Variants in MFGE8 observed in about 807,000 individuals in gnomAD.
MFGE8 encodes the protein lactadherin.
MFGE8 carries 34 observed loss-of-function variants against 42.6 expected under a neutral mutation model. The observed-to-expected ratio is 0.80, with a 90% CI of 0.61 to 1.06. The LOEUF is 1.06. Among genes scored for constraint, MFGE8 ranks in the 50% least tolerant of loss-of-function variants. The pLI, the probability that MFGE8 is intolerant of heterozygous loss-of-function variation, is 0.00. For missense variants in MFGE8, 510 were observed against 516.9 expected (o/e 0.99, Z 0.13); for synonymous variants, 230 against 214.8 (o/e 1.07, Z -0.62).
chr15:88,913,096 C>T, intron 1 of MFGE8, 151 bp downstream of exon 1: 1 of 1,316,948 alleles, frequency 7.6e-7, no homozygotes, highest in Non-Finnish European at 9.6e-7. Context: ...CCCGCCAGGG[C>T]GCAGCGGAAG....
In MFGE8 at chr15:88,912,752, T is replaced by C. The variant is rs970904090; in HGVS notation, c.73+495A>G. ...GTCCATTGCACCGACTCCCCGGCCCTTCCCTTATGTGACCAGGCACGGACA... is the reference window on the plus strand; with the variant it reads ...GTCCATTGCACCGACTCCCCGGCCCCTCCCTTATGTGACCAGGCACGGACA... On this transcript the variant is annotated intron_variant, in intron 1 of 7. Coordinates refer to ENST00000268150, the MANE Select transcript of MFGE8 (RefSeq NM_005928.4). The C allele has an allele frequency of 1.2e-5, 12 of 985,266 alleles. No homozygotes were observed. The African/African-American group carries it at 1.4e-4, about 11-fold the overall frequency. 61.0% of individuals were successfully genotyped at this position (985,266 alleles called of 1,614,324 possible).
In MFGE8 at chr15:88,901,185, A is replaced by ACACACACATT. The variant is rs1567214670; in HGVS notation, c.870+356_870+365dup. ...CATTCACACACATTCTCACACATTC[A>ACACACACATT]CACACACATTCACACATTCACACAC... is the stretch of plus-strand genomic sequence containing the variant. On this transcript the variant is annotated intron_variant, in intron 6 of 7. Transcript: ENST00000268150. 3.0e-4 allele frequency among the ~76,000 whole-genome samples: 17 copies of ACACACACATT among 56,964 alleles called. 1 individual carries two copies. The South Asian group carries it at 3.5e-3, about 12-fold the overall frequency. The allele number at this position is 56,964 out of a possible 152,430, so 37.4% of individuals were successfully genotyped here.
chr15:88,912,646 G>A (rs1899020553), intron 1 of MFGE8: 1 of 985,278 alleles, frequency 1.0e-6, no homozygotes, highest in Non-Finnish European at 1.2e-6. Flanking sequence ...GAGGGAGTCA[G>A]GAGACTCCCA....
Position 88,906,626 on chromosome 15 carries a change from C to T in MFGE8, c.540G>A (p.Lys180=), listed in dbSNP as rs1172390279. 1 of 1,613,846 alleles carries T rather than the reference C, an allele frequency of 6.2e-7. No individual in the cohort carries two copies. Among genetic ancestry groups the T allele is most frequent in the Admixed American group, 1.7e-5 (1 of 59,990 alleles). The change falls in exon 4 of 8, where the codon AAG becomes AAA. Residue 180 remains lysine (K), a splice_region_variant and synonymous_variant. Coordinates refer to ENST00000268150, the MANE Select transcript of MFGE8 (RefSeq NM_005928.4). This position sits in a 1 kb window ranked among gnomAD's most constrained non-coding sequence, Gnocchi z 4.2. ...TCTTTCGGGCCCCAACAAGACCTAC[C>T]TTGTGTTTTTTATTAACATCATGGA... ...DFIHDVNKKH[K]EFVGNWNKNA...
chr15:88,909,816 A>T lies in MFGE8; in HGVS notation c.181T>A (p.Tyr61Asn), dbSNP rs35921618. ...PSYTCTCLKG[Y>N]AGNHCETKCV... is the part of the protein sequence containing the mutation. The stretch of plus-strand genomic sequence containing the variant: ...CTCGTCTCACAGTGGTTGCCCGCGT[A>T]GCCCTTAAGGCACGTGCAGGTGTAC... Residue 61 changes from tyrosine to asparagine, a missense_variant, in exon 2 of 8, where the codon TAC (tyrosine) becomes AAC (asparagine). Tyr to Asn is a moderately radical substitution (Grantham distance 143). Transcript: ENST00000268150. 1.5e-4 allele frequency: 245 copies of T among 1,614,230 alleles called. No homozygotes were observed. Among genetic ancestry groups the T allele is most frequent in the Non-Finnish European group, 2.0e-4 (231 of 1,180,032 alleles).
intron 6 of MFGE8, among the ~76,000 whole-genome samples, chr15:88,901,007 A>ATT (rs1898340475): frequency 1.4e-5 from 2 of 145,756 alleles, no homozygotes; most frequent in Admixed American, 6.9e-5. Context: ...ACACATTCAC[A>ATT]CACACACACA....
chr15:88,904,937 T>A (rs1286651405), intron 5 of MFGE8: 1 of 154,056 alleles, frequency 6.5e-6, no homozygotes, highest in African/African-American at 2.4e-5. Flanking sequence ...GCAGGTGGCA[T>A]TGTGGCTGCA....
intron 1 of MFGE8, 191 bp from the exon 2 acceptor site, chr15:88,910,114 C>G: frequency 1.5e-6 from 1 of 658,342 alleles, no homozygotes; most frequent in Non-Finnish European, 2.6e-6. Context: ...CATGTGTAGG[C>G]GAATCGGCCC....
intron 5 of MFGE8, 83 bp from the exon 6 acceptor site, chr15:88,901,818 C>T: frequency 7.3e-7 from 1 of 1,362,452 alleles, no homozygotes; most frequent in South Asian, 1.2e-5. Context: ...GCAGAAAGAA[C>T]TCTGTGGATC....
rs1280073994 is a variant in MFGE8 at position 88,901,071 on chromosome 15, ATT to A, written c.870+478_870+479del. On this transcript the variant is annotated intron_variant, in intron 6 of 7. Transcript: ENST00000268150. ...TTCACACATACACATTCACATACAC[ATT>A]CACATACACATTCACACACATTCAC... Among the ~76,000 whole-genome samples, 2 of 124,396 alleles carry A rather than the reference ATT, an allele frequency of 1.6e-5. 1 individual carries two copies. The highest frequency in any genetic ancestry group is 3.8e-5 in the Non-Finnish European group (2 of 52,582). 81.6% of individuals were successfully genotyped at this position (124,396 alleles called of 152,430 possible). A position where few individuals can be genotyped will look rare whatever the true frequency, so the allele number is the denominator to read the frequency against.
intron 1 of MFGE8, chr15:88,910,469 CA>C (rs1253078346): frequency 4.9e-6 from 1 of 204,340 alleles, no homozygotes; most frequent in Non-Finnish European, 1.0e-5. Context: ...CTGGGAGGGC[CA>C]ATGACCATGC....
chr15:88,908,488 AC>A (rs1898804524), intron 2 of MFGE8, among the ~76,000 whole-genome samples: 1 of 152,156 alleles, frequency 6.6e-6, no homozygotes, highest in Non-Finnish European at 1.5e-5. Flanking sequence ...AAGGAAACAT[AC>A]CACGTAAAAG....
chr15:88,910,268 C>A, intron 1 of MFGE8: 1 of 356,684 alleles, frequency 2.8e-6, no homozygotes, highest in Non-Finnish European at 5.4e-6. Flanking sequence ...AGGTCCAGGG[C>A]AGGTCTCTTG....
chr15:88,906,222 T>G lies in MFGE8; in HGVS notation c.541-321A>C, dbSNP rs1303115400. The G allele has an allele frequency of 2.1e-6, 1 of 473,384 alleles. No individual in the cohort carries two copies. Among genetic ancestry groups the G allele is most frequent in the South Asian group, 2.1e-5 (1 of 47,586 alleles). The allele number at this position is 473,384 out of a possible 1,614,324, so 29.3% of individuals were successfully genotyped here. Reference sequence around the variant, plus strand: ...GGCACTCCTTTCTCAAATAGTTTATTATGACAATTTTCTGACAGAGTTCCA... The same window carrying G: ...GGCACTCCTTTCTCAAATAGTTTATGATGACAATTTTCTGACAGAGTTCCA... On this transcript the variant is annotated intron_variant, in intron 4 of 7. Coordinates refer to ENST00000268150, the MANE Select transcript of MFGE8 (RefSeq NM_005928.4). This position sits in a 1 kb window ranked among gnomAD's most constrained non-coding sequence, Gnocchi z 4.2.
At chr15:88,913,158 A>G (rs1899047883) in intron 1 of MFGE8, 89 bp downstream of exon 1, 1 of 1,452,096 alleles carries the variant, frequency 6.9e-7, no homozygotes, top group Non-Finnish European at 9.0e-7. Flanking sequence ...AAGTTTGTCA[A>G]CAGTGGAGGT....
chr15:88,909,687 G>A, intron 2 of MFGE8, 105 bp downstream of exon 2: 1 of 1,554,466 alleles, frequency 6.4e-7, no homozygotes, highest in Non-Finnish European at 8.8e-7. Context: ...CCACTGGGGT[G>A]GGGATCACAG....
chr15:88,912,133 A>C (rs1379702611), intron 1 of MFGE8: 1 of 1,289,842 alleles, frequency 7.8e-7, no homozygotes. Context: ...CCTGTGTGTA[A>C]GATAGGTATG....
At chr15:88,912,666 A>G (rs553868892) in intron 1 of MFGE8, 82 of 985,322 alleles carry the variant, frequency 8.3e-5, no homozygotes, top group Admixed American at 3.7e-4. Context: ...ATCAGCAGGC[A>G]GCCCTCTTCC....
At position 88,909,838 on chromosome 15, in the gene MFGE8, G is replaced by A. The variant is rs775429652; in HGVS notation, c.159C>T (p.Tyr53=). 2 of 1,614,254 alleles carry A rather than the reference G, an allele frequency of 1.2e-6. No homozygotes were observed. Among genetic ancestry groups the A allele is most frequent in the Non-Finnish European group, 1.7e-6 (2 of 1,180,046 alleles). Residue 53 remains tyrosine, a synonymous_variant, in exon 2 of 8, where the codon TAC becomes TAT. Coordinates refer to ENST00000268150, the MANE Select transcript of MFGE8 (RefSeq NM_005928.4). ...QEVRGDVFPS[Y]TCTCLKGYAG... ...CGTAGCCCTTAAGGCACGTGCAGGT[G>A]TACGAGGGGAAGACATCTCCTCGCA... is the stretch of plus-strand genomic sequence containing the variant.
Sources: allele counts gnomAD v4.1 joint callset (sites outside exome capture counted in the v4.1 genomes callset), GRCh38; gene constraint gnomAD v4.1.1; non-coding constraint Gnocchi (gnomAD v3.1); transcripts MANE v1.5; gene names NCBI Gene and HGNC (gene_info 2026-07-23, HGNC 2026-07-21).